Variants in GNG7 observed in about 807,000 individuals in gnomAD.
The protein encoded by GNG7 is G protein subunit gamma 7.
GNG7 carries 1 observed loss-of-function variant against 4.0 expected under a neutral mutation model. That is an observed-to-expected ratio of 0.25 (90% confidence interval 0.09 to 1.18). The LOEUF (loss-of-function observed/expected upper bound fraction) is 1.18, where lower values mean the gene tolerates loss of function less well. Among genes scored for constraint, GNG7 ranks in the 50% most tolerant of loss-of-function variants. The probability of loss-of-function intolerance (pLI) is 0.50; values close to 1 mark genes in which losing one functional copy is unlikely to be tolerated. For missense variants in GNG7, 86 were observed against 91.9 expected (o/e 0.94, Z 0.26); for synonymous variants, 34 against 36.9 (o/e 0.92, Z 0.29).
intron 1 of GNG7, among the ~76,000 whole-genome samples, chr19:2,658,461 A>G (rs566962721): frequency 1.3e-5 from 2 of 151,766 alleles, no homozygotes; most frequent in Non-Finnish European, 2.9e-5. Context: ...ACCAAAATGT[A>G]CCCCCGTGTT....
At chr19:2,625,545 G>A (rs1981999252) in intron 2 of GNG7, among the ~76,000 whole-genome samples, 1 of 152,012 alleles carries the variant, frequency 6.6e-6, no homozygotes, top group Admixed American at 6.6e-5. Flanking sequence ...CTCGGTCACG[G>A]GGATCAGGAA....
rs183093400 is a variant in GNG7 at position 2,568,126 on chromosome 19, G to C, written c.-77-12938C>G. 2.4e-4 allele frequency among the ~76,000 whole-genome samples: 34 copies of C among 144,546 alleles called. No homozygotes were observed. In the East Asian group the frequency reaches 5.8e-3, roughly 25 times the overall value. 94.8% of individuals were successfully genotyped at this position (144,546 alleles called of 152,430 possible). ...ACACACATGCACATACACACATATA[G>C]ACATACACACATATACACATGCACA... On this transcript the variant is annotated intron_variant, in intron 2 of 4. Transcript: ENST00000382159.
At chr19:2,526,152 A>G (rs1049282843) in intron 3 of GNG7, among the ~76,000 whole-genome samples, 3 of 151,738 alleles carry the variant, frequency 2.0e-5, no homozygotes, top group African/African-American at 7.3e-5. Context: ...TTATATTTTT[A>G]GTAGATACGG....
Position 2,648,603 on chromosome 19 carries a change from G to C in GNG7, c.-134-2323C>G, listed in dbSNP as rs568703510. On this transcript the variant is annotated intron_variant, in intron 1 of 4. Transcript: ENST00000382159. ...GGTAATTTACCATCAATAAAAGGTA[G>C]GGATAGGGAGCTGAAATCCTCACTG... 2.6e-5 allele frequency among the ~76,000 whole-genome samples: 4 copies of C among 152,334 alleles called. No homozygotes were observed. In the East Asian group the frequency reaches 7.7e-4, roughly 29 times the overall value.
rs1166202229 is a variant in GNG7, at chr19:2,521,606, C to T, written c.-37-881G>A. On this transcript the variant is annotated intron_variant, in intron 3 of 4. Transcript: ENST00000382159. ...AGCAGAACCCCTGGTGACTGTCCCC[C>T]TCCGTGTTTTTTTTTTTTTTTTTTT... is the stretch of plus-strand genomic sequence containing the variant. Among the ~76,000 whole-genome samples the T allele has an allele frequency of 3.4e-5, 4 of 116,164 alleles. No homozygotes were observed. In the South Asian group the frequency reaches 9.0e-4, roughly 26 times the overall value. The allele number at this position is 116,164 out of a possible 152,430, so 76.2% of individuals were successfully genotyped here. A position where few individuals can be genotyped will look rare whatever the true frequency, so the allele number is the denominator to read the frequency against.
At chr19:2,536,382 C>T (rs1978737587) in intron 3 of GNG7, among the ~76,000 whole-genome samples, 1 of 151,264 alleles carries the variant, frequency 6.6e-6, no homozygotes, top group South Asian at 2.1e-4. Context: ...TGCACCATTG[C>T]ACTCCAGCCT....
chr19:2,553,502 A>G (rs1979410505), intron 3 of GNG7, among the ~76,000 whole-genome samples: 1 of 147,614 alleles, frequency 6.8e-6, no homozygotes, highest in Non-Finnish European at 1.5e-5. Flanking sequence ...TTATATGTAC[A>G]TCTCATTACA....
rs1471869899 is a variant in GNG7 at position 2,631,585 on chromosome 19, C to T, written c.-78+14639G>A. 2.0e-5 allele frequency among the ~76,000 whole-genome samples: 3 copies of T among 152,188 alleles called. No homozygotes were observed. The East Asian group carries it at 5.8e-4, about 29-fold the overall frequency. ...CTTGGCCCAGGGACCTGCAGTATGT[C>T]TGTGGCTGTGTGCCAATAAAACTTT... is the stretch of plus-strand genomic sequence containing the variant. On this transcript the variant is annotated intron_variant, in intron 2 of 4. Coordinates refer to ENST00000382159, the MANE Select transcript of GNG7 (RefSeq NM_052847.3).
chr19:2,585,928 T>C (rs1371780313), intron 2 of GNG7, among the ~76,000 whole-genome samples: 11 of 152,150 alleles, frequency 7.2e-5, no homozygotes, highest in Non-Finnish European at 1.6e-4. Context: ...TCTCACTCTC[T>C]TGACCTCGTG....
intron 2 of GNG7, chr19:2,643,001 C>A (rs772266950): frequency 3.3e-5 from 15 of 451,812 alleles, no homozygotes; most frequent in Middle Eastern, 6.5e-4. Context: ...CCTCTCCGGG[C>A]TCTACACACC....
At chr19:2,686,190 CG>C (rs1983866015) in intron 1 of GNG7, among the ~76,000 whole-genome samples, 2 of 151,144 alleles carry the variant, frequency 1.3e-5, no homozygotes, top group African/African-American at 4.9e-5. Context: ...CAGAGTCTCA[CG>C]CTGTCGCCCA....
chr19:2,663,790 A>T (rs1278980821), intron 1 of GNG7, among the ~76,000 whole-genome samples: 2 of 152,140 alleles, frequency 1.3e-5, no homozygotes, highest in African/African-American at 4.8e-5. Context: ...AACTGAACAA[A>T]TCCACTGGCT....
chr19:2,648,757 G>T (rs1982732253), intron 1 of GNG7, among the ~76,000 whole-genome samples: 2 of 152,212 alleles, frequency 1.3e-5, no homozygotes. Flanking sequence ...AGGGCAGCAG[G>T]GATGAGTGAT....
intron 2 of GNG7, among the ~76,000 whole-genome samples, chr19:2,566,807 C>CA (rs1275802046): frequency 2.6e-5 from 4 of 152,008 alleles, no homozygotes; most frequent in Non-Finnish European, 5.9e-5. Flanking sequence ...ACTTTATTTA[C>CA]AAAAACACAC....
At chr19:2,659,352 G>A (rs193179300) in intron 1 of GNG7, among the ~76,000 whole-genome samples, 6 of 150,840 alleles carry the variant, frequency 4.0e-5, no homozygotes, top group Admixed American at 3.3e-4. Context: ...GCTGAGATGG[G>A]GGGATCACCT....
At chr19:2,619,334 G>C (rs764989694) in intron 2 of GNG7, among the ~76,000 whole-genome samples, 8 of 152,198 alleles carry the variant, frequency 5.3e-5, no homozygotes, top group Non-Finnish European at 5.9e-5. Context: ...ATTGCTTGTG[G>C]TGGCTTTCCC....
At chr19:2,593,274 C>A (rs942740425) in intron 2 of GNG7, among the ~76,000 whole-genome samples, 5 of 151,864 alleles carry the variant, frequency 3.3e-5, no homozygotes, top group African/African-American at 1.2e-4. Context: ...CTCTGCCTCT[C>A]TTAAAAATGT....
intron 2 of GNG7, among the ~76,000 whole-genome samples, chr19:2,578,307 G>A (rs1050146694): frequency 1.3e-5 from 2 of 152,122 alleles, no homozygotes; most frequent in South Asian, 2.1e-4. Context: ...AACCCAATAC[G>A]GGACCCAGAG....
At chr19:2,625,267 C>G (rs1167172871) in intron 2 of GNG7, among the ~76,000 whole-genome samples, 1 of 152,140 alleles carries the variant, frequency 6.6e-6, no homozygotes, top group Non-Finnish European at 1.5e-5. Context: ...ACAAGGGGGT[C>G]TCACTCTTTT....
Sources: allele counts gnomAD v4.1 joint callset (sites outside exome capture counted in the v4.1 genomes callset), GRCh38; gene constraint gnomAD v4.1.1; transcripts MANE v1.5; gene names NCBI Gene and HGNC (gene_info 2026-07-23, HGNC 2026-07-21).